FIP1L1: variants seen among roughly 807,000 people sequenced by gnomAD.
FIP1L1 encodes pre-mRNA 3'-end-processing factor FIP1.
In FIP1L1, 21 loss-of-function variants were observed where a neutral mutation model predicts 84.6. That is an observed-to-expected ratio of 0.25 (90% confidence interval 0.18 to 0.36). FIP1L1 has a LOEUF of 0.36. Among genes scored for constraint, FIP1L1 ranks in the 10% least tolerant of loss-of-function variants. FIP1L1 has a pLI of 1.00. For synonymous variants in FIP1L1, 263 were observed against 242.3 expected, an observed-to-expected ratio of 1.09 and a Z score of -0.80; for missense variants, 526 against 751.1, an observed-to-expected ratio of 0.70 and a Z score of 3.50.
chr4:53,378,928 G>A (rs1736255423), intron 1 of FIP1L1, 145 bp from the exon 2 acceptor site: 1 of 788,184 alleles, frequency 1.3e-6, no homozygotes, highest in Admixed American at 2.9e-5. Flanking sequence ...GAATGTGTAG[G>A]ATTTCTTTTA....
intron 5 of FIP1L1, among the ~76,000 whole-genome samples, chr4:53,387,582 C>T (rs1429106694): frequency 6.6e-6 from 1 of 152,182 alleles, no homozygotes; most frequent in Non-Finnish European, 1.5e-5. Context: ...CTAAGCTTCT[C>T]TACACAGGCT....
At position 53,377,800 on chromosome 4, in the gene FIP1L1, G is replaced by T; in HGVS notation, c.-39G>T. On this transcript the variant is annotated 5_prime_UTR_variant, in exon 1 of 18. Coordinates refer to ENST00000337488, the MANE Select transcript of FIP1L1 (RefSeq NM_030917.4). ...GAGGCTGGGGAAGGGGTTGGAGGGG[G>T]CTGTTGATCGCCGCGTTTAAGTTGC... The T allele has an allele frequency of 6.6e-7, 1 of 1,514,964 alleles. No individual in the cohort carries two copies. Among genetic ancestry groups the T allele is most frequent in the East Asian group, 2.5e-5 (1 of 40,168 alleles). The allele number at this position is 1,514,964 out of a possible 1,614,324, so 93.8% of individuals were successfully genotyped here.
At chr4:53,418,012 G>T (rs1030902927) in intron 11 of FIP1L1, among the ~76,000 whole-genome samples, 14 of 152,174 alleles carry the variant, frequency 9.2e-5, no homozygotes, top group African/African-American at 2.9e-4. Flanking sequence ...TTTGGGCTGG[G>T]CGCTGTGGCA....
rs370167755 is a variant in FIP1L1, at chr4:53,440,634, A to G, written c.1175-2019A>G. Reference sequence around the variant, plus strand: ...GTAAAACTTTTTTCATGTTTTCTCCATCATTGTTAATAAACATGAAATTTC... The same window carrying G: ...GTAAAACTTTTTTCATGTTTTCTCCGTCATTGTTAATAAACATGAAATTTC... On this transcript the variant is annotated intron_variant, in intron 13 of 17. Transcript: ENST00000337488. The G allele has an allele frequency of 5.2e-5, 76 of 1,457,422 alleles. 1 individual carries two copies. In the East Asian group the frequency reaches 5.8e-4, roughly 11 times the overall value. The allele number at this position is 1,457,422 out of a possible 1,614,324, so 90.3% of individuals were successfully genotyped here.
chr4:53,449,091 G>A (rs1450369156), intron 15 of FIP1L1, among the ~76,000 whole-genome samples: 1 of 151,208 alleles, frequency 6.6e-6, no homozygotes, highest in African/African-American at 2.4e-5. Context: ...ATCCTTGTTT[G>A]TCCCTTTTTT....
intron 11 of FIP1L1, among the ~76,000 whole-genome samples, chr4:53,420,671 C>G (rs569944502): frequency 1.3e-5 from 2 of 152,026 alleles, no homozygotes; most frequent in South Asian, 4.1e-4. Flanking sequence ...TGTGTATATA[C>G]TGTAGAGAAA....
intron 11 of FIP1L1, among the ~76,000 whole-genome samples, chr4:53,421,238 G>T (rs1219854469): frequency 6.6e-6 from 1 of 152,182 alleles, no homozygotes; most frequent in Non-Finnish European, 1.5e-5. Flanking sequence ...CAGCCTCACA[G>T]TCTTTTTCTT....
At chr4:53,427,388 G>T (rs1266037454) in intron 12 of FIP1L1, among the ~76,000 whole-genome samples, 1 of 152,102 alleles carries the variant, frequency 6.6e-6, no homozygotes, top group East Asian at 1.9e-4. Context: ...GCTTCTTATG[G>T]TGCCTGTCCC....
intron 13 of FIP1L1, among the ~76,000 whole-genome samples, chr4:53,434,292 G>T (rs1374782344): frequency 6.6e-6 from 1 of 151,980 alleles, no homozygotes; most frequent in African/African-American, 2.4e-5. Context: ...TAAAAATTTA[G>T]TGGGAAGTGG....
chr4:53,417,807 T>A (rs879632887), intron 11 of FIP1L1, among the ~76,000 whole-genome samples: 7,200 of 114,142 alleles, frequency 0.063, 672 homozygotes, highest in African/African-American at 0.18. Flanking sequence ...TCTCTCTCTC[T>A]CTCTCTCTCT....
intron 3 of FIP1L1, among the ~76,000 whole-genome samples, chr4:53,380,820 C>T (rs1254230763): frequency 6.6e-6 from 1 of 152,070 alleles, no homozygotes; most frequent in Non-Finnish European, 1.5e-5. Context: ...TCTTTGTACC[C>T]ATTCCTTCAG....
At chr4:53,395,144 C>G (rs574433905) in intron 9 of FIP1L1, among the ~76,000 whole-genome samples, 5 of 152,130 alleles carry the variant, frequency 3.3e-5, no homozygotes, top group Admixed American at 2.6e-4. Context: ...ACTGGTTAGA[C>G]AAATTTTGAG....
chr4:53,459,784 T>G lies in FIP1L1; in HGVS notation c.*335T>G. On this transcript the variant is annotated 3_prime_UTR_variant, in exon 18 of 18. Transcript: ENST00000337488. ...TCAAGGGTTCCACTTGGGCCACAGT[T>G]TTTTTGTTAATCAAACACCACTCTC... 3.1e-6 allele frequency: 1 copy of G among 320,978 alleles called. No homozygotes were observed. The highest frequency in any genetic ancestry group is 5.8e-6 in the Non-Finnish European group (1 of 172,134). 19.9% of individuals were successfully genotyped at this position (320,978 alleles called of 1,614,324 possible).
intron 16 of FIP1L1, among the ~76,000 whole-genome samples, chr4:53,453,635 A>G (rs1375113907): frequency 6.6e-6 from 1 of 152,128 alleles, no homozygotes; most frequent in Non-Finnish European, 1.5e-5. Context: ...TCAGAGTTTG[A>G]AAGGACAGGC....
intron 5 of FIP1L1, among the ~76,000 whole-genome samples, chr4:53,389,436 G>C (rs1185346170): frequency 2.2e-5 from 3 of 137,092 alleles, no homozygotes; most frequent in African/African-American, 7.8e-5. Context: ...AAAGGTTTTT[G>C]AAATGGAAAC....
intron 7 of FIP1L1, 21 bp from the exon 8 acceptor site, chr4:53,390,988 A>G (rs1042494373): frequency 5.1e-6 from 8 of 1,563,770 alleles, no homozygotes; most frequent in East Asian, 4.5e-5. Context: ...TTTGTACACT[A>G]AAGTTGTGTT....
At chr4:53,446,199 C>CT (rs35064200) in intron 15 of FIP1L1, among the ~76,000 whole-genome samples, 14,431 of 148,478 alleles carry the variant, frequency 0.097, 1,196 homozygotes, top group South Asian at 0.28. Flanking sequence ...CCCTTCTCCC[C>CT]TTTTTTTTTT....
At chr4:53,438,191 GA>G (rs1025597444) in intron 13 of FIP1L1, among the ~76,000 whole-genome samples, 3 of 152,064 alleles carry the variant, frequency 2.0e-5, no homozygotes, top group African/African-American at 7.2e-5. Context: ...AAAGGATATA[GA>G]AAAGAAACAA....
At chr4:53,455,547 G>A (rs1164964480) in intron 16 of FIP1L1, among the ~76,000 whole-genome samples, 2 of 151,996 alleles carry the variant, frequency 1.3e-5, no homozygotes, top group African/African-American at 4.8e-5. Context: ...CTGAACAGTG[G>A]ATCGGTCAAG....
Sources: gnomAD v4.1 joint callset for allele counts (sites outside exome capture counted in the v4.1 genomes callset) on GRCh38, gnomAD v4.1.1 for gene constraint, MANE v1.5 for transcripts, NCBI Gene and HGNC (gene_info 2026-07-23, HGNC 2026-07-21) for gene names.